DNM3: variants seen among roughly 807,000 people sequenced by gnomAD.
DNM3 encodes the protein dynamin 3.
Under a neutral mutation model 101.6 loss-of-function variants are expected in DNM3, and 47 were observed. That is an observed-to-expected ratio of 0.46 (90% CI 0.37 to 0.59). The LOEUF (loss-of-function observed/expected upper bound fraction) is 0.59, where lower values mean the gene tolerates loss of function less well. Among genes scored for constraint, DNM3 ranks in the 20% least tolerant of loss-of-function variants. The pLI is 0.00. For missense variants in DNM3, 849 were observed against 1,085.7 expected, an observed-to-expected ratio of 0.78 and a Z score of 3.06; for synonymous variants, 385 against 387.9, an observed-to-expected ratio of 0.99 and a Z score of 0.09.
At chr1:172,057,535 A>G (rs1384347784) in intron 10 of DNM3, among the ~76,000 whole-genome samples, 1 of 152,250 alleles carries the variant, frequency 6.6e-6, no homozygotes, top group African/African-American at 2.4e-5. Context: ...GTGGGGGCCA[A>G]TATTCAACAT....
Position 172,278,024 on chromosome 1 carries a change from G to A in DNM3, c.1769+24342G>A, listed in dbSNP as rs183233193. Reference sequence around the variant, plus strand: ...GCATCTCTCAGCTCAGAGATTCATTGCAAGGAAAACCTCTCTGCCTTTCCT... The same window carrying A: ...GCATCTCTCAGCTCAGAGATTCATTACAAGGAAAACCTCTCTGCCTTTCCT... On this transcript the variant is annotated intron_variant, in intron 15 of 20. Transcript: ENST00000627582. Among the ~76,000 whole-genome samples the A allele has an allele frequency of 1.6e-3, 251 of 152,178 alleles. 1 individual carries two copies. Among genetic ancestry groups the A allele is most frequent in the Admixed American group, 0.011 (166 of 15,256 alleles).
At chr1:172,102,448 A>G (rs2054715494) in intron 13 of DNM3, among the ~76,000 whole-genome samples, 1 of 152,114 alleles carries the variant, frequency 6.6e-6, no homozygotes, top group Non-Finnish European at 1.5e-5. Context: ...TTTTATTTGG[A>G]ATAGTATTTA....
chr1:172,117,219 A>C (rs1435034636), intron 13 of DNM3, among the ~76,000 whole-genome samples: 1 of 151,860 alleles, frequency 6.6e-6, no homozygotes, highest in Non-Finnish European at 1.5e-5. Context: ...AAAAAAAAAA[A>C]GTCTTCACTG....
In DNM3 at chr1:172,388,628, G is replaced by A. The variant is rs181035771; in HGVS notation, c.2341G>A (p.Ala781Thr). Residue 781 changes from alanine to threonine, a missense_variant, in exon 20 of 21, where the codon GCA becomes ACA. Transcript: ENST00000627582. Reference protein sequence around the residue: ...QRRPTLSAPLARPTSGRGPAP... With the variant: ...QRRPTLSAPLTRPTSGRGPAP... Reference sequence around the variant, plus strand: ...GAGGCCAACACTAAGTGCTCCCCTCGCAAGGCCCACATCCGGCCGAGGACC... The same window carrying A: ...GAGGCCAACACTAAGTGCTCCCCTCACAAGGCCCACATCCGGCCGAGGACC... The A allele has an allele frequency of 2.3e-5, 37 of 1,613,954 alleles. No individual in the cohort carries two copies. Among genetic ancestry groups the A allele is most frequent in the Admixed American group, 3.3e-5 (2 of 60,012 alleles).
intron 9 of DNM3, among the ~76,000 whole-genome samples, chr1:172,046,205 C>T (rs2049783642): frequency 6.6e-6 from 1 of 152,078 alleles, no homozygotes; most frequent in African/African-American, 2.4e-5. Context: ...CACATATACA[C>T]CATGGAATAC....
rs147092309 is a variant in DNM3, at chr1:172,409,744, G to GT, written c.*1908dup. On this transcript the variant is annotated 3_prime_UTR_variant, in exon 21 of 21. Transcript: ENST00000627582. Reference sequence around the variant, plus strand: ...GTGAGATCTTTTTATAAAACTTCTTGTTTTTAGGATTCCCTTTGCTTCTTC... The same window carrying GT: ...GTGAGATCTTTTTATAAAACTTCTTGTTTTTTAGGATTCCCTTTGCTTCTTC... The GT allele has an allele frequency of 0.2, 201,399 of 985,146 alleles. 21,538 individuals are homozygous for GT. The highest frequency in any genetic ancestry group is 0.36 in the East Asian group (3,124 of 8,796). 61.0% of individuals were successfully genotyped at this position (985,146 alleles called of 1,614,324 possible). A position where few individuals can be genotyped will look rare whatever the true frequency, so the allele number is the denominator to read the frequency against.
intron 14 of DNM3, among the ~76,000 whole-genome samples, chr1:172,251,505 T>C (rs1310683020): frequency 6.6e-6 from 1 of 152,132 alleles, no homozygotes; most frequent in Non-Finnish European, 1.5e-5. Context: ...TAGCAATGTG[T>C]CCTCAAAGCC....
intron 14 of DNM3, among the ~76,000 whole-genome samples, chr1:172,145,788 CT>C (rs1381935426): frequency 6.6e-6 from 1 of 152,120 alleles, no homozygotes; most frequent in Non-Finnish European, 1.5e-5. Flanking sequence ...TGTTTTGATA[CT>C]TTTGTTTTGT....
chr1:172,329,294 A>G (rs1336828392), intron 17 of DNM3, among the ~76,000 whole-genome samples: 2 of 152,144 alleles, frequency 1.3e-5, no homozygotes, highest in East Asian at 3.9e-4. Flanking sequence ...AAAATACAGA[A>G]AACTAGAGCT....
At chr1:171,910,525 A>G (rs1350818358) in intron 1 of DNM3, among the ~76,000 whole-genome samples, 4 of 152,224 alleles carry the variant, frequency 2.6e-5, no homozygotes, top group Non-Finnish European at 5.9e-5. Context: ...AGGGGGAGCT[A>G]CTGAACAGTG....
intron 14 of DNM3, among the ~76,000 whole-genome samples, chr1:172,252,154 G>A (rs1184032479): frequency 6.6e-6 from 1 of 151,934 alleles, no homozygotes; most frequent in African/African-American, 2.4e-5. Context: ...TCTTTTCTTT[G>A]GAGACATTGT....
At position 172,387,354 on chromosome 1, in the gene DNM3, T is replaced by C; in HGVS notation, c.2280T>C (p.Ser760=). 2.5e-6 allele frequency: 4 copies of C among 1,612,886 alleles called. No homozygotes were observed. Among genetic ancestry groups the C allele is most frequent in the Non-Finnish European group, 2.5e-6 (3 of 1,179,482 alleles). ...TGGATGACTCCTGGATACAGCACTC[T>C]CGCAGGTAAGAAGATGGCCCCGGCC... The part of the protein sequence containing the change: ...PPVDDSWIQH[S]RRSPPPSPTT... The change falls in exon 19 of 21, where the codon TCT becomes TCC. Residue 760 remains serine, a synonymous_variant. Coordinates refer to ENST00000627582, the MANE Select transcript of DNM3 (RefSeq NM_015569.5).
intron 20 of DNM3, among the ~76,000 whole-genome samples, chr1:172,401,959 A>AG (rs1305004399): frequency 6.6e-6 from 1 of 152,194 alleles, no homozygotes; most frequent in Non-Finnish European, 1.5e-5. Context: ...AAGAAGAAGT[A>AG]GGGGTCCTGC....
chr1:172,398,443 T>C (rs2070198521), intron 20 of DNM3, among the ~76,000 whole-genome samples: 1 of 152,104 alleles, frequency 6.6e-6, no homozygotes, highest in Admixed American at 6.5e-5. Flanking sequence ...GAGAACAGAG[T>C]TGCTTTGAGA....
chr1:172,304,213 A>AAAAACAAAAAAAC (rs2064647754), intron 15 of DNM3, among the ~76,000 whole-genome samples: 1 of 133,510 alleles, frequency 7.5e-6, no homozygotes, highest in African/African-American at 3.3e-5. Flanking sequence ...AAGCAAAAAA[A>AAAAACAAAAAAAC]AAAAAAAAAC....
intron 1 of DNM3, among the ~76,000 whole-genome samples, chr1:171,883,011 T>A (rs1259423805): frequency 1.3e-5 from 2 of 151,842 alleles, no homozygotes; most frequent in Non-Finnish European, 2.9e-5. Flanking sequence ...ATGTATAGTG[T>A]ATACATATTA....
chr1:171,849,930 CATT>C (rs2032722243), intron 1 of DNM3, among the ~76,000 whole-genome samples: 2 of 152,108 alleles, frequency 1.3e-5, no homozygotes, highest in South Asian at 2.1e-4. Flanking sequence ...ATTTTTCTGA[CATT>C]ATTTTTAGTT....
At chr1:171,876,915 G>A (rs1266351608) in intron 1 of DNM3, among the ~76,000 whole-genome samples, 2 of 152,170 alleles carry the variant, frequency 1.3e-5, no homozygotes, top group Non-Finnish European at 2.9e-5. Flanking sequence ...CAGGCGATTA[G>A]CAAAGTTACA....
At chr1:172,166,381 G>T (rs10911144) in intron 14 of DNM3, among the ~76,000 whole-genome samples, 1,595 of 152,014 alleles carry the variant, frequency 0.01, 37 homozygotes, top group African/African-American at 0.036. Context: ...CATCACTAAA[G>T]TACCTCACGA....
Sources: allele counts gnomAD v4.1 joint callset (sites outside exome capture counted in the v4.1 genomes callset), GRCh38; gene constraint gnomAD v4.1.1; transcripts MANE v1.5; gene names NCBI Gene and HGNC (gene_info 2026-07-23, HGNC 2026-07-21).